Variants in SHANK2 observed in about 807,000 individuals in gnomAD.
SHANK2 encodes SH3 and multiple ankyrin repeat domains 2, also known as SH3 and multiple ankyrin repeat domains protein 2.
SHANK2 carries 43 observed loss-of-function variants against 133.7 expected under a neutral mutation model. The observed-to-expected ratio is 0.32, with a 90% CI of 0.25 to 0.41. SHANK2 has a LOEUF of 0.41. SHANK2 is among the 10% of genes least tolerant of loss of function. SHANK2 has a pLI of 1.00. For missense variants in SHANK2, 1,994 were observed against 2,235.8 expected (o/e 0.89, Z 2.18); for synonymous variants, 1,017 against 952.8 (o/e 1.07, Z -1.24).
At chr11:70,474,504 G>A (rs944890091) in intron 25 of SHANK2, 8 of 152,238 alleles carry the variant, frequency 5.3e-5, no homozygotes, top group Non-Finnish European at 8.8e-5. Context: ...GCTTACCCAC[G>A]TGGAGGTGGC....
rs2058706900 is a variant in SHANK2, at chr11:70,479,616, G to A, written c.4979+5698C>T. 1.3e-5 allele frequency among the ~76,000 whole-genome samples: 2 copies of A among 152,242 alleles called. No individual in the cohort carries two copies. Among genetic ancestry groups the A allele is most frequent in the South Asian group, 2.1e-4 (1 of 4,836 alleles). ...CACTGCAAAGGGCTGGCGACCTAGAGGGGACTCTGGGGAACTCTTATAGGC... is the reference window on the plus strand; with the variant it reads ...CACTGCAAAGGGCTGGCGACCTAGAAGGGACTCTGGGGAACTCTTATAGGC... On this transcript the variant is annotated intron_variant, in intron 25 of 25. Coordinates refer to ENST00000601538, the MANE Select transcript of SHANK2 (RefSeq NM_012309.5). The surrounding 1 kb of genome is among the most constrained non-coding windows in gnomAD (Gnocchi z 4.4).
At chr11:70,853,515 G>T (rs532260991) in intron 11 of SHANK2, among the ~76,000 whole-genome samples, 117 of 152,274 alleles carry the variant, frequency 7.7e-4, no homozygotes, top group African/African-American at 2.6e-3. Context: ...GGCCAGGGGG[G>T]ATGCCTCTCA....
At chr11:70,853,084 C>T (rs1949114772) in intron 11 of SHANK2, among the ~76,000 whole-genome samples, 1 of 152,258 alleles carries the variant, frequency 6.6e-6, no homozygotes, top group African/African-American at 2.4e-5. Flanking sequence ...TGCTGAGACA[C>T]CTTCAGTGCC....
chr11:70,860,561 T>C (rs1257412056), intron 11 of SHANK2, among the ~76,000 whole-genome samples: 2 of 152,230 alleles, frequency 1.3e-5, no homozygotes, highest in Non-Finnish European at 2.9e-5. Context: ...TGGGACTCAG[T>C]CTTGCTTTTC....
chr11:71,222,401 A>C (rs1954564665), intron 2 of SHANK2, among the ~76,000 whole-genome samples: 1 of 152,180 alleles, frequency 6.6e-6, no homozygotes, highest in South Asian at 2.1e-4. Context: ...CTTGTGAGCC[A>C]ACGGCAGCTC....
At chr11:70,952,724 G>A in intron 10 of SHANK2, 1 of 417,804 alleles carries the variant, frequency 2.4e-6, no homozygotes, top group Non-Finnish European at 5.1e-6. Flanking sequence ...GGACGCAGAT[G>A]GCAGGGCGGC....
At chr11:70,683,167 G>A (rs1945064784) in intron 15 of SHANK2, among the ~76,000 whole-genome samples, 1 of 152,014 alleles carries the variant, frequency 6.6e-6, no homozygotes, top group African/African-American at 2.4e-5. Flanking sequence ...TTTTAGAGAT[G>A]GGATCTTGCT....
intron 17 of SHANK2, among the ~76,000 whole-genome samples, chr11:70,510,141 T>G (rs1406888563): frequency 6.6e-6 from 1 of 152,124 alleles, no homozygotes; most frequent in East Asian, 1.9e-4. Context: ...AGGCAGGGAC[T>G]GGAGGAGCAG....
intron 15 of SHANK2, among the ~76,000 whole-genome samples, chr11:70,686,253 TC>T (rs1945149827): frequency 6.7e-5 from 1 of 14,952 alleles, no homozygotes. Context: ...CACCCACCCA[TC>T]CACACACCCA....
intron 11 of SHANK2, among the ~76,000 whole-genome samples, chr11:70,821,864 G>A (rs1479186176): frequency 4.6e-5 from 7 of 152,216 alleles, no homozygotes; most frequent in Non-Finnish European, 1.5e-5. Context: ...AGTGGGGACT[G>A]TGTGAGGAAG....
chr11:70,908,575 T>C (rs1175059447), intron 10 of SHANK2, among the ~76,000 whole-genome samples: 1 of 152,216 alleles, frequency 6.6e-6, no homozygotes, highest in African/African-American at 2.4e-5. Flanking sequence ...CTGGTTGACC[T>C]TGTCCTTTTG....
intron 14 of SHANK2, among the ~76,000 whole-genome samples, chr11:70,720,282 G>A (rs1168012404): frequency 2.6e-5 from 4 of 152,142 alleles, no homozygotes; most frequent in African/African-American, 7.2e-5. Flanking sequence ...TCATCACCTC[G>A]TCTAACTGGT....
At chr11:71,231,443 G>A (rs1954739406) in intron 1 of SHANK2, among the ~76,000 whole-genome samples, 1 of 152,194 alleles carries the variant, frequency 6.6e-6, no homozygotes, top group Non-Finnish European at 1.5e-5. Context: ...ATTGCCGGTG[G>A]AAAACCTGGA....
In SHANK2 at chr11:70,677,507, C is replaced by T. The variant is rs558745441; in HGVS notation, c.1854-15829G>A. On this transcript the variant is annotated intron_variant, in intron 15 of 25. Transcript: ENST00000601538. The stretch of plus-strand genomic sequence containing the variant: ...ACCACTGATGCCCTGTCTTTGTGAC[C>T]GGACCCTTGGCCACAGCATGGGGGC... Among the ~76,000 whole-genome samples, 10 of 152,314 alleles carry T rather than the reference C, an allele frequency of 6.6e-5. No homozygotes were observed. In the East Asian group the frequency reaches 1.2e-3, roughly 18 times the overall value.
intron 2 of SHANK2, among the ~76,000 whole-genome samples, chr11:71,209,962 G>T (rs924054631): frequency 6.6e-6 from 1 of 151,300 alleles, no homozygotes; most frequent in Non-Finnish European, 1.5e-5. Context: ...ATAAACCACC[G>T]AGGATTCGAC....
At chr11:70,698,933 T>C (rs940197015) in intron 14 of SHANK2, among the ~76,000 whole-genome samples, 170 bp from the exon 15 acceptor site, 7 of 152,110 alleles carry the variant, frequency 4.6e-5, no homozygotes, top group Non-Finnish European at 1.0e-4. Flanking sequence ...GGCTCAACTT[T>C]GTGAAATTTG....
chr11:70,715,120 T>C (rs1555026980), intron 14 of SHANK2, among the ~76,000 whole-genome samples: 1 of 152,158 alleles, frequency 6.6e-6, no homozygotes, highest in African/African-American at 2.4e-5. Context: ...TATAACATTT[T>C]TGAAAGGATA....
At chr11:70,478,878 C>A (rs2058697973) in intron 25 of SHANK2, among the ~76,000 whole-genome samples, 1 of 152,358 alleles carries the variant, frequency 6.6e-6, no homozygotes, top group African/African-American at 2.4e-5. Flanking sequence ...GGCAGGCAGC[C>A]TGAGGCTCCG....
intron 3 of SHANK2, among the ~76,000 whole-genome samples, chr11:71,124,921 G>C (rs1428469939): frequency 6.6e-6 from 1 of 152,182 alleles, no homozygotes; most frequent in Non-Finnish European, 1.5e-5. Flanking sequence ...TGTCACATAT[G>C]AGTAATTCTT....
Sources: allele counts gnomAD v4.1 joint callset (sites outside exome capture counted in the v4.1 genomes callset), GRCh38; gene constraint gnomAD v4.1.1; non-coding constraint Gnocchi (gnomAD v3.1); transcripts MANE v1.5; gene names NCBI Gene and HGNC (gene_info 2026-07-23, HGNC 2026-07-21).